GPC5: variants seen among roughly 807,000 people sequenced by gnomAD.
GPC5 encodes the protein glypican-5.
A neutral mutation model predicts 53.9 loss-of-function variants in GPC5; 47 were observed. The ratio of observed to expected loss-of-function variants is 0.87; its 90% confidence interval spans 0.69 to 1.11. The LOEUF (loss-of-function observed/expected upper bound fraction) is 1.11, where lower values mean the gene tolerates loss of function less well. Among genes scored for constraint, GPC5 ranks in the 50% most tolerant of loss-of-function variants. GPC5 has a pLI of 0.00. For missense variants in GPC5, 748 were observed against 713.1 expected (o/e 1.05, Z -0.56); for synonymous variants, 286 against 263.3 (o/e 1.09, Z -0.84).
At chr13:91,869,506 A>G (rs1405007873) in intron 5 of GPC5, among the ~76,000 whole-genome samples, 2 of 152,176 alleles carry the variant, frequency 1.3e-5, no homozygotes, top group Non-Finnish European at 1.5e-5. Flanking sequence ...GCTATTGAAT[A>G]TATTTTTCTC....
chr13:91,679,710 T>A (rs2035463600), intron 2 of GPC5, among the ~76,000 whole-genome samples: 1 of 152,196 alleles, frequency 6.6e-6, no homozygotes. Context: ...AAATTCACAT[T>A]TTTAAAAGCC....
rs539184991 is a variant in GPC5, at chr13:92,606,100, T to C, written c.1562-260182T>C. On this transcript the variant is annotated intron_variant, in intron 7 of 7. Coordinates refer to ENST00000377067, the MANE Select transcript of GPC5 (RefSeq NM_004466.6). ...CTTTTATCTTTCTTTTTTTTATTAT[T>C]ATTATGCTTTAAGTTCTAGGGTACA... 1.1e-4 allele frequency among the ~76,000 whole-genome samples: 16 copies of C among 152,286 alleles called. No individual in the cohort carries two copies. The East Asian group carries it at 2.9e-3, about 28-fold the overall frequency.
chr13:92,836,141 G>T (rs1018647084), intron 7 of GPC5, among the ~76,000 whole-genome samples: 10 of 151,778 alleles, frequency 6.6e-5, no homozygotes, highest in African/African-American at 1.9e-4. Context: ...AGTATAATTT[G>T]CCATACAAAA....
intron 5 of GPC5, among the ~76,000 whole-genome samples, chr13:91,783,023 A>G (rs2037822356): frequency 6.6e-6 from 1 of 152,058 alleles, no homozygotes; most frequent in Admixed American, 6.6e-5. Context: ...TAAATATACA[A>G]TTTCGGATCA....
At chr13:92,822,071 T>G (rs939003158) in intron 7 of GPC5, among the ~76,000 whole-genome samples, 3 of 152,260 alleles carry the variant, frequency 2.0e-5, no homozygotes, top group African/African-American at 7.2e-5. Context: ...TGTATGAGTT[T>G]GGACATATTA....
chr13:91,936,355 AGGATTTG>A (rs945302027), intron 6 of GPC5, among the ~76,000 whole-genome samples: 4 of 151,974 alleles, frequency 2.6e-5, no homozygotes, highest in African/African-American at 9.7e-5. Flanking sequence ...AGGTTTTAGT[AGGATTTG>A]CTTGGGGGTA....
chr13:91,978,107 A>C (rs2138711286), intron 6 of GPC5, among the ~76,000 whole-genome samples: 1 of 152,338 alleles, frequency 6.6e-6, no homozygotes, highest in South Asian at 2.1e-4. Context: ...GTAAGCCATG[A>C]GCCATGATCG....
At chr13:91,977,133 C>T (rs753125990) in intron 6 of GPC5, among the ~76,000 whole-genome samples, 22 of 151,902 alleles carry the variant, frequency 1.4e-4, no homozygotes, top group Non-Finnish European at 2.2e-4. Flanking sequence ...CAGTAAACAT[C>T]GTTCTATGGA....
At chr13:92,495,135 T>C (rs1436910058) in intron 7 of GPC5, among the ~76,000 whole-genome samples, 1 of 152,208 alleles carries the variant, frequency 6.6e-6, no homozygotes, top group East Asian at 1.9e-4. Flanking sequence ...TAACTTCCTC[T>C]CAGCACGCTG....
intron 7 of GPC5, among the ~76,000 whole-genome samples, chr13:92,590,004 T>C (rs1345891004): frequency 1.3e-5 from 2 of 152,068 alleles, no homozygotes; most frequent in Non-Finnish European, 2.9e-5. Flanking sequence ...TTAGAGGTTG[T>C]TGGGAACAGA....
intron 7 of GPC5, among the ~76,000 whole-genome samples, chr13:92,457,846 C>A (rs1052519932): frequency 1.3e-5 from 2 of 152,128 alleles, no homozygotes; most frequent in African/African-American, 4.8e-5. Context: ...TTGACCCTTA[C>A]GGTTAATCTA....
At chr13:92,605,749 C>G (rs564303973) in intron 7 of GPC5, among the ~76,000 whole-genome samples, 1 of 152,018 alleles carries the variant, frequency 6.6e-6, no homozygotes, top group South Asian at 2.1e-4. Context: ...GCCACCGCGC[C>G]CGGCTAACGT....
chr13:91,814,525 C>CTTTATTTA lies in GPC5; in HGVS notation c.1280+58129_1280+58136dup, dbSNP rs140584837. Among the ~76,000 whole-genome samples, 1,047 of 151,074 alleles carry CTTTATTTA rather than the reference C, an allele frequency of 6.9e-3. 4 individuals are homozygous for CTTTATTTA. The highest frequency in any genetic ancestry group is 9.6e-3 in the East Asian group (49 of 5,130). ...GTTTTTGATCATATGTATTCTGCAA[C>CTTTATTTA]TTTATTTATTTATTTATTTATTTAT... On this transcript the variant is annotated intron_variant, in intron 5 of 7. Coordinates refer to ENST00000377067, the MANE Select transcript of GPC5 (RefSeq NM_004466.6).
intron 7 of GPC5, among the ~76,000 whole-genome samples, chr13:92,629,205 TA>T (rs558109049): frequency 8.3e-4 from 126 of 152,324 alleles, no homozygotes; most frequent in African/African-American, 2.9e-3. Flanking sequence ...TTAGAAATGG[TA>T]ACTCAAATCC....
At chr13:92,625,631 A>AG (rs1464897924) in intron 7 of GPC5, among the ~76,000 whole-genome samples, 4 of 152,316 alleles carry the variant, frequency 2.6e-5, no homozygotes, top group Admixed American at 6.5e-5. Context: ...AAGACCTTTT[A>AG]GGACTTGGGA....
At chr13:92,441,837 C>T (rs1389783235) in intron 7 of GPC5, among the ~76,000 whole-genome samples, 1 of 152,118 alleles carries the variant, frequency 6.6e-6, no homozygotes, top group Non-Finnish European at 1.5e-5. Context: ...AAAAACTACT[C>T]TAAAATTCAT....
At position 92,613,288 on chromosome 13, in the gene GPC5, T is replaced by A. The variant is rs1594347178; in HGVS notation, c.1562-252994T>A. ...ATATATAAATTATATAATATATATTTTATATATAAAAATATATAATGTATA... is the reference window on the plus strand; with the variant it reads ...ATATATAAATTATATAATATATATTATATATATAAAAATATATAATGTATA... On this transcript the variant is annotated intron_variant, in intron 7 of 7. Coordinates refer to ENST00000377067, the MANE Select transcript of GPC5 (RefSeq NM_004466.6). Among the ~76,000 whole-genome samples the A allele has an allele frequency of 3.3e-5, 4 of 120,446 alleles. 1 individual carries two copies. In the Admixed American group the frequency reaches 4.5e-4, roughly 14 times the overall value. 79.0% of individuals were successfully genotyped at this position (120,446 alleles called of 152,430 possible). A position where few individuals can be genotyped will look rare whatever the true frequency, so the allele number is the denominator to read the frequency against.
intron 5 of GPC5, among the ~76,000 whole-genome samples, chr13:91,892,486 A>C (rs1442339607): frequency 6.6e-6 from 1 of 151,684 alleles, no homozygotes; most frequent in Non-Finnish European, 1.5e-5. Flanking sequence ...CATTAAAAAC[A>C]TTTCATTTTT....
chr13:91,748,742 G>A (rs2037105715), intron 4 of GPC5, among the ~76,000 whole-genome samples: 1 of 152,204 alleles, frequency 6.6e-6, no homozygotes, highest in South Asian at 2.1e-4. Flanking sequence ...TGCTATACCA[G>A]TTGATTAGGG....
Sources: gnomAD v4.1 joint callset for allele counts (sites outside exome capture counted in the v4.1 genomes callset) on GRCh38, gnomAD v4.1.1 for gene constraint, MANE v1.5 for transcripts, NCBI Gene and HGNC (gene_info 2026-07-23, HGNC 2026-07-21) for gene names.